Variants in RELCH observed in about 807,000 individuals in gnomAD.
RELCH encodes RAB11 binding and LisH domain, coiled-coil and HEAT repeat containing, also known as RAB11-binding protein RELCH.
Under a neutral mutation model 150.3 loss-of-function variants are expected in RELCH, and 41 were observed. That is an observed-to-expected ratio of 0.27 (90% CI 0.21 to 0.35). The LOEUF (loss-of-function observed/expected upper bound fraction) is 0.35. RELCH is among the 10% of genes least tolerant of loss of function. The pLI, the probability that RELCH is intolerant of heterozygous loss-of-function variation, is 1.00. For missense variants in RELCH, 1,092 were observed against 1,467.8 expected, an observed-to-expected ratio of 0.74 and a Z score of 4.18; for synonymous variants, 478 against 531.8, an observed-to-expected ratio of 0.90 and a Z score of 1.39.
At position 62,232,320 on chromosome 18, in the gene RELCH, T is replaced by G. The variant is rs768801607; in HGVS notation, c.1525-12T>G. 1.3e-6 allele frequency: 2 copies of G among 1,566,158 alleles called. No homozygotes were observed. Among genetic ancestry groups the G allele is most frequent in the East Asian group, 2.2e-5 (1 of 44,524 alleles). On this transcript the variant is annotated splice_polypyrimidine_tract_variant and intron_variant, in intron 9 of 28. Coordinates refer to ENST00000644646, the MANE Select transcript of RELCH (RefSeq NM_001346231.2). ...TCCACTATCATTGTTTATTAATTCTTTGGTTTTCTAGGTGTCTCGTATTGC... is the reference window on the plus strand; with the variant it reads ...TCCACTATCATTGTTTATTAATTCTGTGGTTTTCTAGGTGTCTCGTATTGC...
At chr18:62,204,134 G>GT (rs2148261911) in intron 1 of RELCH, among the ~76,000 whole-genome samples, 1 of 152,168 alleles carries the variant, frequency 6.6e-6, no homozygotes, top group African/African-American at 2.4e-5. Flanking sequence ...CCCAGTTTTA[G>GT]TGGTGTTAGG....
chr18:62,236,709 TTCAG>T (rs1369971948), intron 10 of RELCH, among the ~76,000 whole-genome samples: 2 of 151,928 alleles, frequency 1.3e-5, no homozygotes, highest in African/African-American at 4.8e-5. Flanking sequence ...TTCTCTCTTT[TTCAG>T]TCAGTCTAGC....
At chr18:62,260,722 G>A (rs369817186) in intron 15 of RELCH, among the ~76,000 whole-genome samples, 6 of 151,826 alleles carry the variant, frequency 4.0e-5, no homozygotes, top group African/African-American at 1.5e-4. Flanking sequence ...ATAAACAATG[G>A]AATATTATTC....
At chr18:62,256,457 G>C (rs575582982) in intron 13 of RELCH, among the ~76,000 whole-genome samples, 15 of 152,108 alleles carry the variant, frequency 9.9e-5, no homozygotes, top group Admixed American at 2.6e-4. Flanking sequence ...CATACAGATT[G>C]ATGCAAATGG....
At chr18:62,226,923 C>T (rs1263092054) in intron 5 of RELCH, among the ~76,000 whole-genome samples, 2 of 151,978 alleles carry the variant, frequency 1.3e-5, no homozygotes, top group African/African-American at 4.8e-5. Context: ...TGTGGTGGCT[C>T]ACACCTGTAA....
At chr18:62,232,222 G>C in intron 9 of RELCH, 110 bp from the exon 10 acceptor site, 1 of 621,532 alleles carries the variant, frequency 1.6e-6, no homozygotes, top group Non-Finnish European at 3.0e-6. Context: ...TTAAAATATT[G>C]GAATGTGTGT....
chr18:62,279,078 A>G (rs1285612380), intron 22 of RELCH, among the ~76,000 whole-genome samples: 1 of 152,148 alleles, frequency 6.6e-6, no homozygotes, highest in Non-Finnish European at 1.5e-5. Flanking sequence ...GTAGATAATA[A>G]TATCACCATT....
intron 27 of RELCH, among the ~76,000 whole-genome samples, chr18:62,297,341 C>T (rs2045460246): frequency 6.6e-6 from 1 of 152,122 alleles, no homozygotes; most frequent in Admixed American, 6.6e-5. Flanking sequence ...TTCTAATCCA[C>T]ATTTTGGTGC....
chr18:62,265,084 A>G (rs1160093323), intron 18 of RELCH, among the ~76,000 whole-genome samples: 1 of 152,068 alleles, frequency 6.6e-6, no homozygotes, highest in Admixed American at 6.6e-5. Flanking sequence ...ACTTGGATAT[A>G]AGCTTTACTC....
At chr18:62,241,150 C>G (rs151141257) in intron 10 of RELCH, among the ~76,000 whole-genome samples, 2 of 152,182 alleles carry the variant, frequency 1.3e-5, no homozygotes, top group African/African-American at 2.4e-5. Flanking sequence ...AACTCTTTGT[C>G]TCCTTGCAGT....
intron 11 of RELCH, among the ~76,000 whole-genome samples, chr18:62,248,380 C>T (rs2042528500): frequency 6.6e-6 from 1 of 152,132 alleles, no homozygotes; most frequent in African/African-American, 2.4e-5. Context: ...CCCAGTTTCT[C>T]TTTAATTATG....
chr18:62,282,497 A>G, intron 25 of RELCH, 53 bp downstream of exon 25: 2 of 1,569,524 alleles, frequency 1.3e-6, no homozygotes, highest in Non-Finnish European at 1.7e-6. Flanking sequence ...GATCAAAGCT[A>G]GACACTCCTC....
Position 62,309,263 on chromosome 18 carries a change from C to T in RELCH, c.*3729C>T, listed in dbSNP as rs1265011907. Reference sequence around the variant, plus strand: ...AAAAAAAAATAATAATAGAGACAAACTACTAATCAAAAATAATGTATCAGG... The same window carrying T: ...AAAAAAAAATAATAATAGAGACAAATTACTAATCAAAAATAATGTATCAGG... On this transcript the variant is annotated 3_prime_UTR_variant, in exon 29 of 29. Transcript: ENST00000644646. 1 of 150,286 alleles carries T rather than the reference C, an allele frequency of 6.7e-6. No individual in the cohort carries two copies. The highest frequency in any genetic ancestry group is 1.5e-5 in the Non-Finnish European group (1 of 67,596). 9.3% of individuals were successfully genotyped at this position (150,286 alleles called of 1,614,324 possible). A position where few individuals can be genotyped will look rare whatever the true frequency, so the allele number is the denominator to read the frequency against.
intron 28 of RELCH, among the ~76,000 whole-genome samples, chr18:62,302,479 C>A (rs2045706708): frequency 6.6e-6 from 1 of 151,972 alleles, no homozygotes; most frequent in Admixed American, 6.6e-5. Flanking sequence ...AGAAGGCAAA[C>A]CAGAATGGTG....
intron 1 of RELCH, among the ~76,000 whole-genome samples, chr18:62,191,722 G>A (rs2038655557): frequency 6.6e-6 from 1 of 152,124 alleles, no homozygotes; most frequent in South Asian, 2.1e-4. Flanking sequence ...ACATGATCCT[G>A]TTGCTTTTTA....
intron 27 of RELCH, among the ~76,000 whole-genome samples, chr18:62,293,935 T>G (rs2939420): frequency 0.32 from 48,893 of 151,968 alleles, 8,408 homozygotes; most frequent in East Asian, 0.59. Context: ...ATTGTTTAAT[T>G]TTGCATATTT....
At chr18:62,203,526 C>T (rs1010948968) in intron 1 of RELCH, among the ~76,000 whole-genome samples, 1 of 152,094 alleles carries the variant, frequency 6.6e-6, no homozygotes, top group Non-Finnish European at 1.5e-5. Flanking sequence ...AATTTTATAG[C>T]ATGTTAAATT....
intron 1 of RELCH, among the ~76,000 whole-genome samples, chr18:62,199,979 G>A (rs2039321535): frequency 6.7e-6 from 1 of 148,326 alleles, no homozygotes; most frequent in South Asian, 2.2e-4. Flanking sequence ...TACTATTGTT[G>A]TCATCACTAA....
At position 62,309,342 on chromosome 18, in the gene RELCH, G is replaced by A. The variant is rs182197603; in HGVS notation, c.*3808G>A. 9 of 152,074 alleles carry A rather than the reference G, an allele frequency of 5.9e-5. 1 individual carries two copies. Among genetic ancestry groups the A allele is most frequent in the East Asian group, 3.9e-4 (2 of 5,174 alleles). 9.4% of individuals were successfully genotyped at this position (152,074 alleles called of 1,614,324 possible). A position where few individuals can be genotyped will look rare whatever the true frequency, so the allele number is the denominator to read the frequency against. Reference sequence around the variant, plus strand: ...GAATTTTAGACAATTTTCATACTGCGTAAGAATGTGTTCTGTATGCATTTT... The same window carrying A: ...GAATTTTAGACAATTTTCATACTGCATAAGAATGTGTTCTGTATGCATTTT... On this transcript the variant is annotated 3_prime_UTR_variant, in exon 29 of 29. Coordinates refer to ENST00000644646, the MANE Select transcript of RELCH (RefSeq NM_001346231.2).
Sources: gnomAD v4.1 joint callset for allele counts (sites outside exome capture counted in the v4.1 genomes callset) on GRCh38, gnomAD v4.1.1 for gene constraint, MANE v1.5 for transcripts, NCBI Gene and HGNC (gene_info 2026-07-23, HGNC 2026-07-21) for gene names.